The following CALM2 variants were observed in gnomAD, a reference collection of about 807,000 sequenced individuals.
CALM2 encodes calmodulin 2.
CALM2 carries 2 observed loss-of-function variants against 19.8 expected under a neutral mutation model. The observed-to-expected ratio is 0.10, with a 90% CI of 0.04 to 0.32. The LOEUF is 0.32. Among genes scored for constraint, CALM2 ranks in the 10% least tolerant of loss-of-function variants. The probability of loss-of-function intolerance (pLI) is 1.00; values close to 1 mark genes in which losing one functional copy is unlikely to be tolerated. For synonymous variants in CALM2, 51 were observed against 52.1 expected (o/e 0.98, Z 0.09); for missense variants, 38 against 178.7 (o/e 0.21, Z 4.49).
Position 47,162,182 on chromosome 2 carries a change from A to AC in CALM2, c.285+103_285+104insG, listed in dbSNP as rs1687178757. The stretch of plus-strand genomic sequence containing the variant: ...TGTTGGTAAATCATCAAAAAAAAAA[A>AC]AAAAAAAAAAAAAAAAAACAACCAA... On this transcript the variant is annotated intron_variant, in intron 4 of 5. Transcript: ENST00000272298. 9.1e-5 allele frequency: 38 copies of AC among 417,882 alleles called. No individual in the cohort carries two copies. The South Asian group carries it at 1.3e-3, about 14-fold the overall frequency. The allele number at this position is 417,882 out of a possible 1,614,324, so 25.9% of individuals were successfully genotyped here.
chr2:47,169,224 C>G (rs140436581), intron 2 of CALM2, among the ~76,000 whole-genome samples: 379 of 152,240 alleles, frequency 2.5e-3, no homozygotes, highest in African/African-American at 6.9e-3. Flanking sequence ...AAATGTATTA[C>G]AGAAGGTCAG....
upstream of CALM2, chr2:47,176,588 A>G (rs1438297366): frequency 1.3e-6 from 2 of 1,543,926 alleles, no homozygotes; most frequent in Middle Eastern, 1.8e-4. Flanking sequence ...AGATAACGGA[A>G]CATCGCAAAC....
intron 2 of CALM2, among the ~76,000 whole-genome samples, chr2:47,169,994 A>T (rs1294497726): frequency 6.6e-6 from 1 of 150,820 alleles, no homozygotes; most frequent in Non-Finnish European, 1.5e-5. Context: ...GCAAGGGGGG[A>T]AAAAAAAGTT....
intron 2 of CALM2, among the ~76,000 whole-genome samples, chr2:47,164,285 A>AC (rs2103829767): frequency 7.0e-6 from 1 of 142,998 alleles, no homozygotes; most frequent in Admixed American, 6.9e-5. Context: ...GTCTCTACTA[A>AC]AACACACACA....
chr2:47,174,135 C>A (rs373870342), intron 1 of CALM2: 2 of 152,308 alleles, frequency 1.3e-5, no homozygotes, highest in East Asian at 3.9e-4. Context: ...CACTCAAAGT[C>A]CTCTTGAAGC....
chr2:47,174,765 T>G (rs1666791688), intron 1 of CALM2, among the ~76,000 whole-genome samples: 1 of 152,088 alleles, frequency 6.6e-6, no homozygotes, highest in African/African-American at 2.4e-5. Context: ...AAAAAAAAGC[T>G]TACTCCACAA....
At chr2:47,172,176 C>G (rs1400516694) in intron 1 of CALM2, 2 of 209,820 alleles carry the variant, frequency 9.5e-6, no homozygotes, top group African/African-American at 4.6e-5. Context: ...TCCAGTAAAT[C>G]TGAGTTATTT....
chr2:47,164,505 C>T (rs1021001434), intron 2 of CALM2, among the ~76,000 whole-genome samples: 1 of 150,984 alleles, frequency 6.6e-6, no homozygotes, highest in Non-Finnish European at 1.5e-5. Flanking sequence ...GCTGCAGCAG[C>T]AGAACTGCTT....
upstream of CALM2, chr2:47,176,719 T>G: frequency 1.4e-6 from 2 of 1,382,518 alleles, no homozygotes; most frequent in Non-Finnish European, 1.9e-6. Context: ...TGGGTTTCAT[T>G]TCCAGCGAGC....
intron 1 of CALM2, chr2:47,173,601 C>T (rs1666746015): frequency 6.6e-6 from 1 of 152,176 alleles, no homozygotes; most frequent in Non-Finnish European, 1.5e-5. Flanking sequence ...TTCCTACATG[C>T]CATTCAAAAG....
chr2:47,173,139 A>G (rs1356107873), intron 1 of CALM2: 1 of 152,168 alleles, frequency 6.6e-6, no homozygotes, highest in African/African-American at 2.4e-5. Flanking sequence ...TTTAGAATAA[A>G]CTTTTACCAG....
At chr2:47,166,033 A>G (rs1430856945) in intron 2 of CALM2, among the ~76,000 whole-genome samples, 1 of 152,174 alleles carries the variant, frequency 6.6e-6, no homozygotes, top group Non-Finnish European at 1.5e-5. Flanking sequence ...TTATAGAGGA[A>G]CTCATCTAAT....
chr2:47,169,010 T>A (rs1416767237), intron 2 of CALM2, among the ~76,000 whole-genome samples: 1 of 152,118 alleles, frequency 6.6e-6, no homozygotes, highest in Non-Finnish European at 1.5e-5. Context: ...ACTCCTGACC[T>A]CAAGTGATCC....
At chr2:47,163,166 T>C (rs1687208659) in intron 2 of CALM2, 1 of 154,374 alleles carries the variant, frequency 6.5e-6, no homozygotes, top group African/African-American at 2.4e-5. Flanking sequence ...TTCTGTATAC[T>C]GTGTTTAGAG....
intron 1 of CALM2, chr2:47,176,237 A>T: frequency 1.7e-6 from 1 of 602,648 alleles, no homozygotes; most frequent in Non-Finnish European, 2.9e-6. Context: ...TCAACTCACT[A>T]GAGGAAGCCC....
At chr2:47,162,488 C>A (rs773024711) in intron 3 of CALM2, 31 bp downstream of exon 3, 1 of 1,613,530 alleles carries the variant, frequency 6.2e-7, no homozygotes. Context: ...CTTCTTCAAC[C>A]CCTCCCAGCC....
chr2:47,171,722 T>G (rs1018592840), intron 1 of CALM2: 1 of 152,140 alleles, frequency 6.6e-6, no homozygotes, highest in South Asian at 2.1e-4. Context: ...AGACAAGAAA[T>G]AGCCTCCTAT....
chr2:47,174,783 T>C (rs1056522237), intron 1 of CALM2, among the ~76,000 whole-genome samples: 1 of 152,118 alleles, frequency 6.6e-6, no homozygotes, highest in African/African-American at 2.4e-5. Flanking sequence ...CAACTTGTAA[T>C]GTTTATTACA....
intron 1 of CALM2, chr2:47,172,076 A>G (rs191797117): frequency 2.6e-5 from 4 of 152,606 alleles, no homozygotes; most frequent in African/African-American, 7.3e-5. Context: ...AAATGTATCC[A>G]CTTTTATCCC....
Sources: gnomAD v4.1 joint callset for allele counts (sites outside exome capture counted in the v4.1 genomes callset) on GRCh38, gnomAD v4.1.1 for gene constraint, MANE v1.5 for transcripts, NCBI Gene and HGNC (gene_info 2026-07-23, HGNC 2026-07-21) for gene names.